Variants in PCDHGA5 observed in about 807,000 individuals in gnomAD.
PCDHGA5 encodes protocadherin gamma-A5.
In PCDHGA5, 36 loss-of-function variants were observed where a neutral mutation model predicts 56.7. The observed-to-expected ratio is 0.64, with a 90% confidence interval of 0.49 to 0.84. PCDHGA5 has a LOEUF of 0.84. PCDHGA5 is among the 40% of genes least tolerant of loss of function. The probability of loss-of-function intolerance (pLI) is 0.00; values close to 1 mark genes in which losing one functional copy is unlikely to be tolerated. For synonymous variants in PCDHGA5, 563 were observed against 520.2 expected, an observed-to-expected ratio of 1.08 and a Z score of -1.12; for missense variants, 1,305 against 1,201.5, an observed-to-expected ratio of 1.09 and a Z score of -1.27.
chr5:141,394,622 G>A (rs1472873845), intron 1 of PCDHGA5: 32 of 1,613,496 alleles, frequency 2.0e-5, no homozygotes, highest in Non-Finnish European at 2.6e-5. Flanking sequence ...AGAACGCCTG[G>A]CTGTCCTACC....
chr5:141,464,519 A>G (rs974292961), intron 1 of PCDHGA5, among the ~76,000 whole-genome samples: 21 of 152,058 alleles, frequency 1.4e-4, no homozygotes, highest in African/African-American at 4.1e-4. Context: ...AGGTAAAGGC[A>G]TATGTAGTTT....
At chr5:141,430,945 C>G (rs1466092130) in intron 1 of PCDHGA5, 1 of 1,609,234 alleles carries the variant, frequency 6.2e-7, no homozygotes, top group Non-Finnish European at 8.5e-7. Context: ...TCGCGGAGCG[C>G]GGAGTCCGCA....
intron 1 of PCDHGA5, among the ~76,000 whole-genome samples, chr5:141,425,036 G>A (rs574813328): frequency 1.3e-5 from 2 of 152,238 alleles, no homozygotes; most frequent in East Asian, 3.9e-4. Context: ...GTCATTAGTT[G>A]TAAACTGACT....
At chr5:141,403,378 T>G in intron 1 of PCDHGA5, 5 of 1,614,002 alleles carry the variant, frequency 3.1e-6, no homozygotes, top group Non-Finnish European at 4.2e-6. Context: ...AAGTAAAAAT[T>G]AACGAAATCG....
intron 1 of PCDHGA5, chr5:141,374,969 G>A (rs200408172): frequency 1.2e-5 from 20 of 1,613,904 alleles, no homozygotes; most frequent in Middle Eastern, 1.6e-4. Flanking sequence ...CTGTTTGAAT[G>A]TTTTGACTGG....
chr5:141,486,169 A>T lies in PCDHGA5; in HGVS notation c.2422-8638A>T. On this transcript the variant is annotated intron_variant, in intron 1 of 3. Transcript: ENST00000518069. The surrounding 1 kb of genome is among the most constrained non-coding windows in gnomAD (Gnocchi z 5.0). ...ATGGGGGTTCTCCAGCCATGGAGCA[A>T]CATTGCAGCCTTCGAGTGGATCTGC... 1 of 1,614,206 alleles carries T rather than the reference A, an allele frequency of 6.2e-7. No homozygotes were observed. Among genetic ancestry groups the T allele is most frequent in the Non-Finnish European group, 8.5e-7 (1 of 1,180,032 alleles).
At chr5:141,383,537 C>T in intron 1 of PCDHGA5, 1 of 1,612,570 alleles carries the variant, frequency 6.2e-7, no homozygotes, top group African/African-American at 1.3e-5. Flanking sequence ...CTGGTCCTCA[C>T]AGCCTCTGAT....
intron 1 of PCDHGA5, chr5:141,430,923 A>C (rs2097325574): frequency 6.2e-7 from 1 of 1,607,168 alleles, no homozygotes; most frequent in African/African-American, 1.3e-5. Context: ...CTGGGGCTGG[A>C]GCCCCGGGAG....
chr5:141,387,347 T>C (rs1213698437), intron 1 of PCDHGA5, among the ~76,000 whole-genome samples: 1 of 152,152 alleles, frequency 6.6e-6, no homozygotes. Flanking sequence ...TCTGAGACGG[T>C]TTAGGCCAAG....
chr5:141,489,260 CACA>C lies in PCDHGA5; in HGVS notation c.2422-5546_2422-5544del, dbSNP rs1242559724. 1 of 1,552,022 alleles carries C rather than the reference CACA, an allele frequency of 6.4e-7. No individual in the cohort carries two copies. Among genetic ancestry groups the C allele is most frequent in the Non-Finnish European group, 8.7e-7 (1 of 1,149,038 alleles). ...TGGGTCATGGGGCCCAAGACACTCCCACAGCTCGCTGGGAAATGGCAAGTGCTG... is the reference window on the plus strand; with the variant it reads ...TGGGTCATGGGGCCCAAGACACTCCCGCTCGCTGGGAAATGGCAAGTGCTG... On this transcript the variant is annotated intron_variant, in intron 1 of 3. Coordinates refer to ENST00000518069, the MANE Select transcript of PCDHGA5 (RefSeq NM_018918.3). The surrounding 1 kb of genome is among the most constrained non-coding windows in gnomAD (Gnocchi z 4.5).
At position 141,370,864 on chromosome 5, in the gene PCDHGA5, C is replaced by T. The variant is rs372472671; in HGVS notation, c.2421+4113C>T. 2.7e-5 allele frequency: 43 copies of T among 1,614,034 alleles called. 1 individual carries two copies. The highest frequency in any genetic ancestry group is 3.6e-5 in the Non-Finnish European group (42 of 1,179,900). On this transcript the variant is annotated intron_variant, in intron 1 of 3. Coordinates refer to ENST00000518069, the MANE Select transcript of PCDHGA5 (RefSeq NM_018918.3). The stretch of plus-strand genomic sequence containing the variant: ...GGAGCCACATTTGCCCTGGAATCTG[C>T]GCAAGATCCTGATGTAGGTGTCAAT...
At position 141,477,107 on chromosome 5, in the gene PCDHGA5, C is replaced by A. The variant is rs1431445150; in HGVS notation, c.2422-17700C>A. ...CCAGGCCAAAGACAAGGGCGCCAAT[C>A]CCGAAGGAGCACATTGCAAAGTGTT... On this transcript the variant is annotated intron_variant, in intron 1 of 3. Coordinates refer to ENST00000518069, the MANE Select transcript of PCDHGA5 (RefSeq NM_018918.3). This position sits in a 1 kb window ranked among gnomAD's most constrained non-coding sequence, Gnocchi z 4.9. 1 of 1,614,252 alleles carries A rather than the reference C, an allele frequency of 6.2e-7. No homozygotes were observed. The highest frequency in any genetic ancestry group is 8.5e-7 in the Non-Finnish European group (1 of 1,180,048).
intron 1 of PCDHGA5, chr5:141,398,947 A>G: frequency 1.2e-6 from 2 of 1,613,968 alleles, no homozygotes; most frequent in Admixed American, 1.7e-5. Context: ...CGAGGGCATC[A>G]ACTCAGAAAT....
chr5:141,365,038 C>T lies in PCDHGA5; in HGVS notation c.708C>T (p.Asn236=), dbSNP rs1763692774. The T allele has an allele frequency of 1.9e-6, 3 of 1,613,858 alleles. No homozygotes were observed. Among genetic ancestry groups the T allele is most frequent in the Non-Finnish European group, 2.5e-6 (3 of 1,179,900 alleles). ...THIRVTVLDA[N]DNAPLFTPSE... is the part of the protein sequence containing the mutation. ...TCCGTGTTACGGTCCTCGACGCAAA[C>T]GACAATGCGCCCCTGTTCACCCCAT... Residue 236 remains asparagine (N), a synonymous_variant, in exon 1 of 4, where the codon AAC becomes AAT. Coordinates refer to ENST00000518069, the MANE Select transcript of PCDHGA5 (RefSeq NM_018918.3).
chr5:141,369,925 G>C (rs376465013), intron 1 of PCDHGA5, among the ~76,000 whole-genome samples: 2 of 152,186 alleles, frequency 1.3e-5, no homozygotes, highest in African/African-American at 2.4e-5. Flanking sequence ...AACTAAAAAC[G>C]TGACGGGATT....
intron 2 of PCDHGA5, among the ~76,000 whole-genome samples, chr5:141,499,937 C>T (rs1257575594): frequency 6.6e-6 from 1 of 152,082 alleles, no homozygotes; most frequent in Non-Finnish European, 1.5e-5. Context: ...ATCCACCCTC[C>T]TCGGCCTCCC....
At chr5:141,373,226 A>G (rs540520010) in intron 1 of PCDHGA5, among the ~76,000 whole-genome samples, 4 of 152,364 alleles carry the variant, frequency 2.6e-5, no homozygotes, top group Middle Eastern at 6.8e-3. Context: ...TAACCTGTAT[A>G]TAATATTTTT....
chr5:141,383,924 A>T (rs1215078494), intron 1 of PCDHGA5: 1 of 1,613,832 alleles, frequency 6.2e-7, no homozygotes, highest in Non-Finnish European at 8.5e-7. Context: ...GATGTAAATG[A>T]TAATGCTCCA....
At chr5:141,384,596 C>T in intron 1 of PCDHGA5, 1 of 1,614,240 alleles carries the variant, frequency 6.2e-7, no homozygotes. Context: ...CTGTACCCGG[C>T]CCTCCCCACA....
Sources: gnomAD v4.1 joint callset for allele counts (sites outside exome capture counted in the v4.1 genomes callset) on GRCh38, gnomAD v4.1.1 for gene constraint, Gnocchi (gnomAD v3.1) non-coding constraint, MANE v1.5 for transcripts, NCBI Gene and HGNC (gene_info 2026-07-23, HGNC 2026-07-21) for gene names.